TBC1D16: variants seen among roughly 807,000 people sequenced by gnomAD.
The protein encoded by TBC1D16 is CTD-2529O21.1.
In TBC1D16, 58 loss-of-function variants were observed where a neutral mutation model predicts 74.7. That is an observed-to-expected ratio of 0.78 (90% CI 0.63 to 0.97). TBC1D16 has a LOEUF of 0.97. TBC1D16 is among the 50% of genes least tolerant of loss of function. The pLI is 0.00. For missense variants in TBC1D16, 1,014 were observed against 1,079.5 expected (o/e 0.94, Z 0.85); for synonymous variants, 493 against 474.7 (o/e 1.04, Z -0.50).
chr17:79,973,121 T>G (rs1354216821), intron 3 of TBC1D16, among the ~76,000 whole-genome samples: 1 of 152,160 alleles, frequency 6.6e-6, no homozygotes, highest in Non-Finnish European at 1.5e-5. Context: ...TAGTGGTACC[T>G]CCTTATCCAA....
chr17:79,944,445 G>A lies in TBC1D16; in HGVS notation c.1908+463C>T, dbSNP rs1435778035. On this transcript the variant is annotated intron_variant, in intron 10 of 11. Transcript: ENST00000310924. This position sits in a 1 kb window ranked among gnomAD's most constrained non-coding sequence, Gnocchi z 7.7. ...ACGGAGAGTGGAAGTCGGTATCACT[G>A]ATTGGGGCCCTCTGGAGGGGCCGAC... Among the ~76,000 whole-genome samples, 3 of 152,202 alleles carry A rather than the reference G, an allele frequency of 2.0e-5. No individual in the cohort carries two copies. The highest frequency in any genetic ancestry group is 4.4e-5 in the Non-Finnish European group (3 of 68,032).
chr17:79,947,261 G>A (rs2032623524), intron 9 of TBC1D16, among the ~76,000 whole-genome samples: 2 of 152,180 alleles, frequency 1.3e-5, no homozygotes, highest in African/African-American at 4.8e-5. Flanking sequence ...CAGAAGCCCT[G>A]GCTGTGTTGA....
In TBC1D16 at chr17:79,939,438, T is replaced by C. The variant is rs971039050; in HGVS notation, c.*1421A>G. ...GCTTTGAAGTGGCATGGCCCAGCAG[T>C]GCCCACCCTCCAGGGAGAAAAGCTT... On this transcript the variant is annotated 3_prime_UTR_variant, in exon 12 of 12. Transcript: ENST00000310924. 6.6e-5 allele frequency: 10 copies of C among 152,216 alleles called. No homozygotes were observed. Among genetic ancestry groups the C allele is most frequent in the African/African-American group, 1.4e-4 (6 of 41,452 alleles). 9.4% of individuals were successfully genotyped at this position (152,216 alleles called of 1,614,324 possible). A position where few individuals can be genotyped will look rare whatever the true frequency, so the allele number is the denominator to read the frequency against.
At chr17:79,945,501 C>G (rs2032452034) in intron 9 of TBC1D16, among the ~76,000 whole-genome samples, 2 of 152,172 alleles carry the variant, frequency 1.3e-5, no homozygotes, top group Non-Finnish European at 2.9e-5. Context: ...GCTACGCTCA[C>G]CCAGATCTAT....
chr17:79,973,384 G>A (rs1248078032), intron 3 of TBC1D16, among the ~76,000 whole-genome samples: 1 of 152,064 alleles, frequency 6.6e-6, no homozygotes, highest in African/African-American at 2.4e-5. Flanking sequence ...ACCAGCCTGG[G>A]TAACACAGTT....
At chr17:80,032,189 G>C (rs557579780) in intron 1 of TBC1D16, among the ~76,000 whole-genome samples, 2 of 152,282 alleles carry the variant, frequency 1.3e-5, no homozygotes, top group South Asian at 2.1e-4. Flanking sequence ...CAGTACGTTG[G>C]CTTCATAGTG....
rs908710899 is a variant in TBC1D16 at position 79,986,833 on chromosome 17, C to T, written c.779+23327G>A. Among the ~76,000 whole-genome samples, 3 of 152,184 alleles carry T rather than the reference C, an allele frequency of 2.0e-5. No individual in the cohort carries two copies. Among genetic ancestry groups the T allele is most frequent in the Non-Finnish European group, 2.9e-5 (2 of 68,032 alleles). On this transcript the variant is annotated intron_variant, in intron 3 of 11. Coordinates refer to ENST00000310924, the MANE Select transcript of TBC1D16 (RefSeq NM_019020.4). This position sits in a 1 kb window ranked among gnomAD's most constrained non-coding sequence, Gnocchi z 6.0. Reference sequence around the variant, plus strand: ...AGGTCCACGGGAAGATGGGGGTGAACGAGAAGCCTGAGGCCGGGCCGGTGG... The same window carrying T: ...AGGTCCACGGGAAGATGGGGGTGAATGAGAAGCCTGAGGCCGGGCCGGTGG...
At chr17:80,025,579 G>C (rs9894815) in intron 1 of TBC1D16, among the ~76,000 whole-genome samples, 24,369 of 119,234 alleles carry the variant, frequency 0.2, 3,803 homozygotes, top group African/African-American at 0.34. Context: ...GCTGGGAGCA[G>C]CCGCCTGCTG....
At chr17:80,021,683 G>T (rs1247408177) in intron 1 of TBC1D16, among the ~76,000 whole-genome samples, 4 of 146,092 alleles carry the variant, frequency 2.7e-5, no homozygotes, top group Admixed American at 2.7e-4. Context: ...CACACCATAG[G>T]CACACTGCAT....
At position 79,969,723 on chromosome 17, in the gene TBC1D16, C is replaced by T. The variant is rs2033996526; in HGVS notation, c.780-16905G>A. ...TTGGGAGGCCAAGGCAGGTGGATCA[C>T]TTGAGGTCAGGAGTTCGAGACCAGC... is the stretch of plus-strand genomic sequence containing the variant. On this transcript the variant is annotated intron_variant, in intron 3 of 11. Transcript: ENST00000310924. Among the ~76,000 whole-genome samples, 4 of 152,222 alleles carry T rather than the reference C, an allele frequency of 2.6e-5. No homozygotes were observed. The South Asian group carries it at 6.2e-4, about 24-fold the overall frequency.
chr17:80,032,133 C>T (rs112386059), intron 1 of TBC1D16, among the ~76,000 whole-genome samples: 35 of 152,328 alleles, frequency 2.3e-4, no homozygotes, highest in African/African-American at 7.7e-4. Flanking sequence ...AAAAGCAGTA[C>T]ACGACTGAAG....
At position 79,979,717 on chromosome 17, in the gene TBC1D16, G is replaced by A. The variant is rs1025946593; in HGVS notation, c.780-26899C>T. On this transcript the variant is annotated intron_variant, in intron 3 of 11. Transcript: ENST00000310924. This position sits in a 1 kb window ranked among gnomAD's most constrained non-coding sequence, Gnocchi z 4.8. ...TAACCTGTCAGGCCGCAAATCCCACGGTTCTCACTAGGAGCAGGAAAGGAC... is the reference window on the plus strand; with the variant it reads ...TAACCTGTCAGGCCGCAAATCCCACAGTTCTCACTAGGAGCAGGAAAGGAC... Among the ~76,000 whole-genome samples, 3 of 151,846 alleles carry A rather than the reference G, an allele frequency of 2.0e-5. No individual in the cohort carries two copies. The highest frequency in any genetic ancestry group is 4.4e-5 in the Non-Finnish European group (3 of 67,970).
In TBC1D16 at chr17:79,945,055, G is replaced by A. The variant is rs376671116; in HGVS notation, c.1761C>T (p.His587=). The change falls in exon 10 of 12, where the codon CAC becomes CAT. Residue 587 remains histidine, a synonymous_variant. Coordinates refer to ENST00000310924, the MANE Select transcript of TBC1D16 (RefSeq NM_019020.4). ...LYLRELLRLT[H]VRFYQHLVSL... ...AGACCAGGTGCTGGTAGAAGCGCAC[G>A]TGCGTCAGCCGCAGCAGCTCGCGCA... The A allele has an allele frequency of 4.4e-5, 69 of 1,585,780 alleles. No homozygotes were observed. In the African/African-American group the frequency reaches 4.7e-4, roughly 11 times the overall value.
chr17:79,995,429 T>C (rs1248408264), intron 3 of TBC1D16, among the ~76,000 whole-genome samples: 1 of 151,968 alleles, frequency 6.6e-6, no homozygotes, highest in East Asian at 1.9e-4. Context: ...TGCACATCCA[T>C]AGGCAATAAA....
chr17:80,027,151 G>A (rs1158030231), intron 1 of TBC1D16, among the ~76,000 whole-genome samples: 1 of 152,190 alleles, frequency 6.6e-6, no homozygotes, highest in Admixed American at 6.5e-5. Context: ...CAAATCCTGA[G>A]AGATGAAGAT....
At chr17:80,033,761 G>A (rs1339093029) in intron 1 of TBC1D16, among the ~76,000 whole-genome samples, 3 of 152,230 alleles carry the variant, frequency 2.0e-5, no homozygotes, top group Non-Finnish European at 2.9e-5. Context: ...GCAATTGTAG[G>A]TAGGTTCTGC....
chr17:79,978,421 C>T (rs1298539434), intron 3 of TBC1D16, among the ~76,000 whole-genome samples: 4 of 146,152 alleles, frequency 2.7e-5, no homozygotes, highest in African/African-American at 7.5e-5. Flanking sequence ...TAACCAGGCC[C>T]GGCCTTTCTT....
chr17:79,999,027 G>C (rs907048480), intron 3 of TBC1D16, among the ~76,000 whole-genome samples: 10 of 152,108 alleles, frequency 6.6e-5, no homozygotes, highest in South Asian at 4.1e-4. Context: ...AGGCCGAGGC[G>C]GGGGGATTAC....
At position 80,007,155 on chromosome 17, in the gene TBC1D16, A is replaced by G. The variant is rs1023842229; in HGVS notation, c.779+3005T>C. ...AGCCTCCCCTGGACCGGGCTGACAC[A>G]GGCCTGAGGTGCGAGCCACACCGAG... On this transcript the variant is annotated intron_variant, in intron 3 of 11. Transcript: ENST00000310924. The surrounding 1 kb of genome is among the most constrained non-coding windows in gnomAD (Gnocchi z 4.5). 6.6e-6 allele frequency among the ~76,000 whole-genome samples: 1 copy of G among 152,156 alleles called. No individual in the cohort carries two copies. The highest frequency in any genetic ancestry group is 2.4e-5 in the African/African-American group (1 of 41,430).
Sources: gnomAD v4.1 joint callset for allele counts (sites outside exome capture counted in the v4.1 genomes callset) on GRCh38, gnomAD v4.1.1 for gene constraint, Gnocchi (gnomAD v3.1) non-coding constraint, MANE v1.5 for transcripts, NCBI Gene and HGNC (gene_info 2026-07-23, HGNC 2026-07-21) for gene names.